RDH10: variants seen among roughly 807,000 people sequenced by gnomAD.
The protein encoded by RDH10 is retinol dehydrogenase 10.
A neutral mutation model predicts 30.2 loss-of-function variants in RDH10; 12 were observed. That is an observed-to-expected ratio of 0.40 (90% CI 0.25 to 0.64). The LOEUF (loss-of-function observed/expected upper bound fraction) is 0.64. Ranked by LOEUF, RDH10 falls within the 30% of genes least tolerant of loss-of-function variation. RDH10 has a pLI of 0.43. For synonymous variants in RDH10, 189 were observed against 172.2 expected (o/e 1.10, Z -0.76); for missense variants, 268 against 445.2 (o/e 0.60, Z 3.58).
At chr8:73,295,661 T>C (rs1440492171) in intron 1 of RDH10, 83 bp downstream of exon 1, 2 of 1,312,298 alleles carry the variant, frequency 1.5e-6, no homozygotes, top group Non-Finnish European at 2.0e-6. Context: ...CAAACCCCGC[T>C]GCCTGGTCAG....
Position 73,303,902 on chromosome 8 carries a change from A to C in RDH10, c.525+6473A>C, listed in dbSNP as rs567141408. Among the ~76,000 whole-genome samples the C allele has an allele frequency of 5.3e-5, 8 of 152,328 alleles. No homozygotes were observed. In the South Asian group the frequency reaches 1.7e-3, roughly 32 times the overall value. ...AGGGAACCAGACGCTGCATCAGATAAAAAGTTCTCCAACATCTTCAATATG... is the reference window on the plus strand; with the variant it reads ...AGGGAACCAGACGCTGCATCAGATACAAAGTTCTCCAACATCTTCAATATG... On this transcript the variant is annotated intron_variant, in intron 2 of 5. Coordinates refer to ENST00000240285, the MANE Select transcript of RDH10 (RefSeq NM_172037.5).
rs555265609 is a variant in RDH10 at position 73,323,302 on chromosome 8, T to C, written c.*266T>C. On this transcript the variant is annotated 3_prime_UTR_variant, in exon 6 of 6. Transcript: ENST00000240285. ...AAATCTGTAGAGAAGCAGTGTGACA[T>C]CTTCAGGTTACCATTATTTTTTAAT... 3 of 304,640 alleles carry C rather than the reference T, an allele frequency of 9.8e-6. No individual in the cohort carries two copies. The highest frequency in any genetic ancestry group is 4.2e-5 in the Admixed American group (1 of 23,662). The allele number at this position is 304,640 out of a possible 1,614,324, so 18.9% of individuals were successfully genotyped here.
chr8:73,318,987 T>C (rs2075945562), intron 2 of RDH10, 109 bp from the exon 3 acceptor site: 2 of 685,376 alleles, frequency 2.9e-6, no homozygotes, highest in East Asian at 2.6e-5. Context: ...TTTAAAGGAA[T>C]TGGGAAACAA....
chr8:73,309,396 C>A (rs569591049), intron 2 of RDH10, among the ~76,000 whole-genome samples: 5 of 152,076 alleles, frequency 3.3e-5, no homozygotes, highest in Non-Finnish European at 7.4e-5. Flanking sequence ...ATGATATTTT[C>A]GGTGGTTTAA....
chr8:73,324,498 A>T lies in RDH10; in HGVS notation c.*1462A>T, dbSNP rs1397533519. 1 of 152,612 alleles carries T rather than the reference A, an allele frequency of 6.6e-6. No individual in the cohort carries two copies. Among genetic ancestry groups the T allele is most frequent in the African/African-American group, 2.4e-5 (1 of 41,436 alleles). 9.5% of individuals were successfully genotyped at this position (152,612 alleles called of 1,614,324 possible). On this transcript the variant is annotated 3_prime_UTR_variant, in exon 6 of 6. Transcript: ENST00000240285. ...GTGGCCAATGTTTAAGGCTGTTAAA[A>T]TAAGCCAACTTTTACTAATTGGGGA...
intron 2 of RDH10, chr8:73,315,511 G>T (rs907078843): frequency 2.3e-6 from 1 of 439,128 alleles, no homozygotes; most frequent in Admixed American, 2.4e-5. Flanking sequence ...TCAGAACGTT[G>T]CAACAAATTA....
At position 73,295,257 on chromosome 8, in the gene RDH10, G is replaced by T. The variant is rs7003168; in HGVS notation, c.-33G>T. The T allele has an allele frequency of 2.4e-3, 3,636 of 1,526,578 alleles. 80 individuals carry two copies. The African/African-American group carries it at 0.047, about 20-fold the overall frequency. 94.6% of individuals were successfully genotyped at this position (1,526,578 alleles called of 1,614,324 possible). A position where few individuals can be genotyped will look rare whatever the true frequency, so the allele number is the denominator to read the frequency against. ...GGGCTCGGGGTGGGCGCGGACGCAG[G>T]CACTGGGCTCGTGCGGGGCCCCGGG... On this transcript the variant is annotated 5_prime_UTR_variant, in exon 1 of 6. Coordinates refer to ENST00000240285, the MANE Select transcript of RDH10 (RefSeq NM_172037.5).
Position 73,303,820 on chromosome 8 carries a change from A to G in RDH10, c.525+6391A>G, listed in dbSNP as rs948751105. Reference sequence around the variant, plus strand: ...ACATGCTGGGCCCAAATCTGTTGCTACTAGAAATCAAAATCTATGACATGA... The same window carrying G: ...ACATGCTGGGCCCAAATCTGTTGCTGCTAGAAATCAAAATCTATGACATGA... On this transcript the variant is annotated intron_variant, in intron 2 of 5. Coordinates refer to ENST00000240285, the MANE Select transcript of RDH10 (RefSeq NM_172037.5). 2.0e-5 allele frequency among the ~76,000 whole-genome samples: 3 copies of G among 152,188 alleles called. No homozygotes were observed. In the South Asian group the frequency reaches 6.2e-4, roughly 32 times the overall value.
chr8:73,301,751 A>C lies in RDH10; in HGVS notation c.525+4322A>C, dbSNP rs539290517. Reference sequence around the variant, plus strand: ...AGCCTGGGTGACAGAACAATACTCCATCTCAAGAAAGAAAAAGGTGAGCAT... The same window carrying C: ...AGCCTGGGTGACAGAACAATACTCCCTCTCAAGAAAGAAAAAGGTGAGCAT... On this transcript the variant is annotated intron_variant, in intron 2 of 5. Coordinates refer to ENST00000240285, the MANE Select transcript of RDH10 (RefSeq NM_172037.5). Among the ~76,000 whole-genome samples the C allele has an allele frequency of 2.6e-5, 4 of 152,286 alleles. No homozygotes were observed. In the East Asian group the frequency reaches 7.8e-4, roughly 30 times the overall value.
intron 2 of RDH10, among the ~76,000 whole-genome samples, chr8:73,317,906 C>A (rs2130378182): frequency 6.6e-6 from 1 of 151,376 alleles, no homozygotes; most frequent in African/African-American, 2.4e-5. Flanking sequence ...GGCAACACCG[C>A]AAAACCCTGT....
chr8:73,322,628 C>A, intron 4 of RDH10, 51 bp from the exon 5 acceptor site: 1 of 1,457,098 alleles, frequency 6.9e-7, no homozygotes, highest in Admixed American at 1.8e-5. Context: ...TATTTCCAGT[C>A]TTTTCTATTG....
chr8:73,322,843 C>G (rs1814793852), intron 5 of RDH10, 33 bp downstream of exon 5: 2 of 1,613,860 alleles, frequency 1.2e-6, no homozygotes, highest in East Asian at 4.5e-5. Context: ...CTGACTGGGT[C>G]TCTCCATGCC....
At position 73,297,331 on chromosome 8, in the gene RDH10, G is replaced by A. The variant is rs1259079034; in HGVS notation, c.427G>A (p.Val143Ile). 2 of 1,614,136 alleles carry A rather than the reference G, an allele frequency of 1.2e-6. No individual in the cohort carries two copies. The highest frequency in any genetic ancestry group is 8.5e-7 in the Non-Finnish European group (1 of 1,179,968). The change falls in exon 2 of 6, where the codon GTC (valine) becomes ATC (isoleucine). Residue 143 changes from valine to isoleucine, a missense_variant. Physicochemically the swap from Val to Ile is conservative, Grantham distance 29. Coordinates refer to ENST00000240285, the MANE Select transcript of RDH10 (RefSeq NM_172037.5). ...RKEVGEVSVL[V>I]NNAGVVSGHH... is the part of the protein sequence containing the mutation. ...GGAGGTTGGCGAAGTCTCAGTCCTG[G>A]TCAATAATGCTGGTGTGGTCTCTGG...
At chr8:73,314,022 T>A (rs1814619495) in intron 2 of RDH10, among the ~76,000 whole-genome samples, 1 of 152,264 alleles carries the variant, frequency 6.6e-6, no homozygotes, top group African/African-American at 2.4e-5. Context: ...CAAAGCCGTT[T>A]GGCTGTGTGT....
chr8:73,304,982 C>A (rs1239659095), intron 2 of RDH10, among the ~76,000 whole-genome samples: 1 of 152,120 alleles, frequency 6.6e-6, no homozygotes, highest in Non-Finnish European at 1.5e-5. Flanking sequence ...TTGTTCTTTT[C>A]TGCCTCATTA....
chr8:73,304,262 C>T (rs2130362122), intron 2 of RDH10, among the ~76,000 whole-genome samples: 1 of 152,312 alleles, frequency 6.6e-6, no homozygotes, highest in Admixed American at 6.5e-5. Flanking sequence ...TTAGAAACAT[C>T]AGCATTATCT....
At chr8:73,318,318 G>A (rs1814710192) in intron 2 of RDH10, among the ~76,000 whole-genome samples, 1 of 152,000 alleles carries the variant, frequency 6.6e-6, no homozygotes, top group Non-Finnish European at 1.5e-5. Flanking sequence ...CTGATTTTGT[G>A]CCACCTCTGG....
chr8:73,322,473 T>C, intron 4 of RDH10: 2 of 501,948 alleles, frequency 4.0e-6, no homozygotes, highest in Non-Finnish European at 6.9e-6. Context: ...TTTTGCTTTT[T>C]TTTCCCAACT....
At chr8:73,302,722 C>T (rs1239131683) in intron 2 of RDH10, among the ~76,000 whole-genome samples, 2 of 152,150 alleles carry the variant, frequency 1.3e-5, no homozygotes, top group African/African-American at 2.4e-5. Flanking sequence ...CTGTATTCTA[C>T]TTTGAAATAT....
Sources: gnomAD v4.1 joint callset for allele counts (sites outside exome capture counted in the v4.1 genomes callset) on GRCh38, gnomAD v4.1.1 for gene constraint, MANE v1.5 for transcripts, NCBI Gene and HGNC (gene_info 2026-07-23, HGNC 2026-07-21) for gene names.